The following NID1 variants were observed in gnomAD, a reference collection of about 807,000 sequenced individuals.
The protein encoded by NID1 is nidogen-1.
In NID1, 76 loss-of-function variants were observed where a neutral mutation model predicts 130.6. The ratio of observed to expected loss-of-function variants is 0.58; its 90% confidence interval spans 0.48 to 0.70. The LOEUF (loss-of-function observed/expected upper bound fraction) is 0.70, where lower values mean the gene tolerates loss of function less well. Among genes scored for constraint, NID1 ranks in the 30% least tolerant of loss-of-function variants. NID1 has a pLI of 0.00. For missense variants in NID1, 1,517 were observed against 1,664.8 expected, an observed-to-expected ratio of 0.91 and a Z score of 1.54; for synonymous variants, 665 against 675.1, an observed-to-expected ratio of 0.98 and a Z score of 0.23.
rs759939576 is a variant in NID1, at chr1:236,017,281, A to G, written c.2129-8T>C. On this transcript the variant is annotated splice_polypyrimidine_tract_variant and splice_region_variant and intron_variant, in intron 9 of 19. Coordinates refer to ENST00000264187, the MANE Select transcript of NID1 (RefSeq NM_002508.3). ...CTGAACATTCATCAATATCTGCAGC[A>G]AAAATTTTTTTTTACTGCAGGCTTT... 2.5e-6 allele frequency: 4 copies of G among 1,611,490 alleles called. No homozygotes were observed. In the African/African-American group the frequency reaches 4.0e-5, roughly 16 times the overall value.
intron 1 of NID1, among the ~76,000 whole-genome samples, chr1:236,052,007 A>G (rs1659773053): frequency 6.6e-6 from 1 of 152,240 alleles, no homozygotes; most frequent in Non-Finnish European, 1.5e-5. Context: ...TTTGCATTGG[A>G]AAATTATTTT....
chr1:236,020,641 A>C (rs1658734478), intron 9 of NID1, among the ~76,000 whole-genome samples: 1 of 152,176 alleles, frequency 6.6e-6, no homozygotes, highest in Non-Finnish European at 1.5e-5. Context: ...GCACACACTG[A>C]ATCACAAAGG....
In NID1 at chr1:236,035,941, A is replaced by G. The variant is rs188672324; in HGVS notation, c.1285+2163T>C. Reference sequence around the variant, plus strand: ...TTTTCCACCAAACTTTGAGCTAGAAACATTTTTTTTTTAAGTAGCAAGAAT... The same window carrying G: ...TTTTCCACCAAACTTTGAGCTAGAAGCATTTTTTTTTTAAGTAGCAAGAAT... On this transcript the variant is annotated intron_variant, in intron 5 of 19. Transcript: ENST00000264187. Among the ~76,000 whole-genome samples the G allele has an allele frequency of 3.9e-4, 60 of 152,128 alleles. 1 individual carries two copies. In the East Asian group the frequency reaches 9.8e-3, roughly 25 times the overall value.
chr1:236,009,663 G>A (rs886565090), intron 12 of NID1, among the ~76,000 whole-genome samples: 2 of 152,110 alleles, frequency 1.3e-5, no homozygotes, highest in Admixed American at 6.5e-5. Flanking sequence ...TCAACATTAC[G>A]CTTTTGAGAC....
chr1:236,029,109 G>T (rs938988907), intron 7 of NID1, among the ~76,000 whole-genome samples: 2 of 151,886 alleles, frequency 1.3e-5, no homozygotes, highest in African/African-American at 4.8e-5. Flanking sequence ...CCCAGGAGGC[G>T]GAGGTTGTAG....
At chr1:236,024,241 G>C (rs369143544) in intron 8 of NID1, 28 bp from the exon 9 acceptor site, 4 of 1,613,022 alleles carry the variant, frequency 2.5e-6, no homozygotes. Context: ...TTGGAACCAA[G>C]TGAGTCTTCA....
intron 12 of NID1, among the ~76,000 whole-genome samples, chr1:236,009,194 T>G (rs185119933): frequency 6.6e-6 from 1 of 152,316 alleles, no homozygotes; most frequent in South Asian, 2.1e-4. Flanking sequence ...GGGGCCCTAA[T>G]GAATGGCCTT....
rs368822270 is a variant in NID1 at position 236,045,441 on chromosome 1, A to G, written c.752+16T>C. 2.1e-5 allele frequency: 32 copies of G among 1,559,384 alleles called. No homozygotes were observed. The African/African-American group carries it at 3.3e-4, about 16-fold the overall frequency. On this transcript the variant is annotated intron_variant, in intron 3 of 19. Transcript: ENST00000264187. ...ATATTAAGAGGAGAATCTACTGAAG[A>G]ACAAAGAAAGCATACTTGGCCAAAT...
chr1:236,051,772 C>A (rs1242287850), intron 1 of NID1, among the ~76,000 whole-genome samples: 1 of 152,240 alleles, frequency 6.6e-6, no homozygotes, highest in African/African-American at 2.4e-5. Flanking sequence ...GAAGTGATCA[C>A]AGGGAGGCCA....
At chr1:236,034,065 T>C (rs1270552435) in intron 5 of NID1, among the ~76,000 whole-genome samples, 1 of 152,146 alleles carries the variant, frequency 6.6e-6, no homozygotes, top group South Asian at 2.1e-4. Context: ...CAAATGTCCA[T>C]TAACTGATGA....
At position 236,024,179 on chromosome 1, in the gene NID1, G is replaced by A. The variant is rs1658857141; in HGVS notation, c.2019C>T (p.Tyr673=). ...TGGTGTCACACCCATGAGTGCCGATGTAGCAGGGATTCTGAAGAGCATCAG... is the reference window on the plus strand; with the variant it reads ...TGGTGTCACACCCATGAGTGCCGATATAGCAGGGATTCTGAAGAGCATCAG... The part of the protein sequence containing the change: ...GSPDALQNPC[Y]IGTHGCDTNA... Residue 673 remains tyrosine, a synonymous_variant, in exon 9 of 20, where the codon TAC becomes TAT. Coordinates refer to ENST00000264187, the MANE Select transcript of NID1 (RefSeq NM_002508.3). The A allele has an allele frequency of 1.9e-6, 3 of 1,614,272 alleles. No individual in the cohort carries two copies. The South Asian group carries it at 3.3e-5, about 18-fold the overall frequency.
intron 5 of NID1, among the ~76,000 whole-genome samples, chr1:236,035,463 T>C (rs1659228061): frequency 2.2e-5 from 3 of 134,502 alleles, no homozygotes; most frequent in Non-Finnish European, 4.7e-5. Context: ...TACGTGTGCA[T>C]GTGTCTTTAT....
Position 235,977,931 on chromosome 1 carries a change from G to A in NID1, c.3680C>T (p.Pro1227Leu). 1 of 1,614,126 alleles carries A rather than the reference G, an allele frequency of 6.2e-7. No individual in the cohort carries two copies. The highest frequency in any genetic ancestry group is 8.5e-7 in the Non-Finnish European group (1 of 1,179,982). ...AGGGCAACGGCAGGTCCTGCTCCCT[G>A]GGGTGGCCAAGCATAGGTGGGTGCA... ...GGCTHLCLAT[P>L]GSRTCRCPDN... The change falls in exon 20 of 20, where the codon CCA becomes CTA. Residue 1227 changes from proline (P) to leucine (L), a missense_variant. Transcript: ENST00000264187.
Position 235,981,454 on chromosome 1 carries a change from C to A in NID1, c.3227+157G>T, listed in dbSNP as rs3820558. Among the ~76,000 whole-genome samples, 32,245 of 152,174 alleles carry A rather than the reference C, an allele frequency of 0.21. 4,031 individuals carry two copies. Among genetic ancestry groups the A allele is most frequent in the East Asian group, 0.62 (3,235 of 5,190 alleles). On this transcript the variant is annotated intron_variant, in intron 16 of 19. Coordinates refer to ENST00000264187, the MANE Select transcript of NID1 (RefSeq NM_002508.3). The stretch of plus-strand genomic sequence containing the variant: ...CTGTAATACATGTTCTGGCATTGTA[C>A]CGTGGATATCTACAAGTCACCAAAA...
rs371420055 is a variant in NID1, at chr1:236,008,218, C to T, written c.2527+3703G>A. Among the ~76,000 whole-genome samples, 11 of 152,240 alleles carry T rather than the reference C, an allele frequency of 7.2e-5. 1 individual carries two copies. Among genetic ancestry groups the T allele is most frequent in the Admixed American group, 6.5e-4 (10 of 15,284 alleles). On this transcript the variant is annotated intron_variant, in intron 12 of 19. Coordinates refer to ENST00000264187, the MANE Select transcript of NID1 (RefSeq NM_002508.3). ...GAACAGCAAGCCACTAAACTAACTTCACAATCCATACACAGGGTGTGGAGC... is the reference window on the plus strand; with the variant it reads ...GAACAGCAAGCCACTAAACTAACTTTACAATCCATACACAGGGTGTGGAGC...
At chr1:236,003,080 G>GAACGACTA (rs1558428586) in intron 12 of NID1, among the ~76,000 whole-genome samples, 1 of 134,442 alleles carries the variant, frequency 7.4e-6, no homozygotes, top group Non-Finnish European at 1.6e-5. Context: ...GTGAACGAGT[G>GAACGACTA]GTAGTTGTCA....
In NID1 at chr1:235,993,659, C is replaced by T. The variant is rs1168411665; in HGVS notation, c.2741G>A (p.Gly914Glu). ...CACCCACTTACACGGGGGCGTCATCCCGGGCCTGGTCCTGGTGCCCTCCAC... is the reference window on the plus strand; with the variant it reads ...CACCCACTTACACGGGGGCGTCATCTCGGGCCTGGTCCTGGTGCCCTCCAC... The part of the protein sequence containing the change: ...REVEGTRTRP[G>E]MTPPCLSTVA... The change falls in exon 13 of 20, where the codon GGG becomes GAG. Residue 914 changes from glycine to glutamate, a missense_variant. By Grantham distance (98) the Gly-to-Glu change is moderately conservative. This residue lies in a region of NID1 where 1,329 missense variants were observed against 1,429.2 expected (regional missense o/e 0.93). Transcript: ENST00000264187. The T allele has an allele frequency of 6.4e-7, 1 of 1,557,040 alleles. No homozygotes were observed. Among genetic ancestry groups the T allele is most frequent in the African/African-American group, 1.4e-5 (1 of 73,630 alleles).
intron 5 of NID1, among the ~76,000 whole-genome samples, chr1:236,033,702 TA>T (rs1659164369): frequency 6.6e-6 from 1 of 152,280 alleles, no homozygotes; most frequent in African/African-American, 2.4e-5. Flanking sequence ...CATTTTTGCT[TA>T]AAAAATTACA....
intron 1 of NID1, among the ~76,000 whole-genome samples, chr1:236,062,633 CAAAAAAAAAAA>C (rs56709890): frequency 2.0e-4 from 21 of 104,242 alleles, no homozygotes; most frequent in Admixed American, 5.7e-4. Flanking sequence ...GACTCTGTCT[CAAAAAAAAAAA>C]AAAAAAAAAA....
Sources: allele counts gnomAD v4.1 joint callset (sites outside exome capture counted in the v4.1 genomes callset), GRCh38; gene constraint gnomAD v4.1.1; regional missense constraint gnomAD v4.1.1; transcripts MANE v1.5; gene names NCBI Gene and HGNC (gene_info 2026-07-23, HGNC 2026-07-21).